Variants in MARK4 observed in about 807,000 individuals in gnomAD.
MARK4 encodes microtubule affinity regulating kinase 4, also known as MAP/microtubule affinity-regulating kinase 4.
Under a neutral mutation model 81.5 loss-of-function variants are expected in MARK4, and 19 were observed. The ratio of observed to expected loss-of-function variants is 0.23; its 90% confidence interval spans 0.16 to 0.34. The LOEUF (loss-of-function observed/expected upper bound fraction) is 0.34, where lower values mean the gene tolerates loss of function less well. Ranked by LOEUF, MARK4 falls within the 10% of genes least tolerant of loss-of-function variation. MARK4 has a pLI of 1.00. For missense variants in MARK4, 772 were observed against 1,058.8 expected, an observed-to-expected ratio of 0.73 and a Z score of 3.76; for synonymous variants, 436 against 439.0, an observed-to-expected ratio of 0.99 and a Z score of 0.08.
intron 8 of MARK4, among the ~76,000 whole-genome samples, chr19:45,275,177 C>T (rs561603800): frequency 6.6e-6 from 1 of 152,272 alleles, no homozygotes; most frequent in South Asian, 2.1e-4. Context: ...AGGAGAATCA[C>T]TTGAACCTGG....
intron 12 of MARK4, among the ~76,000 whole-genome samples, chr19:45,280,971 C>G (rs1970666616): frequency 6.6e-6 from 1 of 152,076 alleles, no homozygotes. Flanking sequence ...CAGACACTCT[C>G]TGTCTTGCTT....
At chr19:45,279,040 G>A (rs1029189368) in intron 10 of MARK4, among the ~76,000 whole-genome samples, 12 of 152,062 alleles carry the variant, frequency 7.9e-5, no homozygotes, top group South Asian at 2.1e-4. Flanking sequence ...CCAACATAGG[G>A]AGACCCTGTC....
chr19:45,271,600 G>A lies in MARK4; in HGVS notation c.678G>A (p.Leu226=), dbSNP rs34784381. 4,825 of 1,614,248 alleles carry A rather than the reference G, an allele frequency of 3.0e-3. 142 individuals carry two copies. The African/African-American group carries it at 0.058, about 19-fold the overall frequency. Reference sequence around the variant, plus strand: ...GCCCCCCATATGCCGCCCCGGAGCTGTTTCAGGGCAAGAAGTACGACGGGC... The same window carrying A: ...GCCCCCCATATGCCGCCCCGGAGCTATTTCAGGGCAAGAAGTACGACGGGC... ...CGSPPYAAPE[L]FQGKKYDGPE... is the part of the protein sequence containing the mutation. The change falls in exon 8 of 17, where the codon CTG becomes CTA. Residue 226 remains leucine, a synonymous_variant. Coordinates refer to ENST00000262891, the MANE Select transcript of MARK4 (RefSeq NM_001199867.2). This position sits in a 1 kb window ranked among gnomAD's most constrained non-coding sequence, Gnocchi z 4.1.
chr19:45,264,615 T>C, intron 4 of MARK4, 69 bp from the exon 5 acceptor site: 5 of 1,458,130 alleles, frequency 3.4e-6, no homozygotes, highest in Admixed American at 1.7e-5. Context: ...CACATTTGCA[T>C]AGTTACTGAG....
intron 8 of MARK4, among the ~76,000 whole-genome samples, chr19:45,275,885 A>G (rs1006284415): frequency 6.6e-6 from 1 of 152,230 alleles, no homozygotes; most frequent in Non-Finnish European, 1.5e-5. Flanking sequence ...ATAGCCCTTT[A>G]TGATCTGCAG....
chr19:45,266,484 G>A (rs541425779), intron 7 of MARK4, among the ~76,000 whole-genome samples: 1 of 152,162 alleles, frequency 6.6e-6, no homozygotes, highest in East Asian at 1.9e-4. Context: ...TGGGGGAGCG[G>A]ATGGGGGGGA....
At chr19:45,293,706 A>G (rs1970847934) in intron 13 of MARK4, among the ~76,000 whole-genome samples, 1 of 152,222 alleles carries the variant, frequency 6.6e-6, no homozygotes, top group Non-Finnish European at 1.5e-5. Flanking sequence ...GAGGCAGCAT[A>G]ATCCTGATAT....
intron 2 of MARK4, chr19:45,262,875 C>G: frequency 2.1e-6 from 1 of 482,628 alleles, no homozygotes; most frequent in South Asian, 2.1e-5. Context: ...AGCGATTCTT[C>G]CAACTCAGCC....
chr19:45,280,789 T>G, intron 12 of MARK4, 55 bp downstream of exon 12: 1 of 1,598,072 alleles, frequency 6.3e-7, no homozygotes, highest in Non-Finnish European at 8.5e-7. Context: ...GGCCCAGACT[T>G]ACAGTTACGT....
At chr19:45,289,765 G>A (rs950142270) in intron 13 of MARK4, among the ~76,000 whole-genome samples, 5 of 150,636 alleles carry the variant, frequency 3.3e-5, no homozygotes, top group African/African-American at 9.8e-5. Context: ...GCAAGACTCT[G>A]TCTCAAAACA....
intron 14 of MARK4, among the ~76,000 whole-genome samples, chr19:45,294,950 C>T (rs1970867525): frequency 1.3e-5 from 2 of 152,088 alleles, no homozygotes; most frequent in Non-Finnish European, 2.9e-5. Flanking sequence ...CCCACCAGGG[C>T]TGTAGGGCAG....
intron 7 of MARK4, among the ~76,000 whole-genome samples, chr19:45,269,107 C>T (rs1029514952): frequency 1.3e-5 from 2 of 152,092 alleles, no homozygotes; most frequent in African/African-American, 2.4e-5. Flanking sequence ...CCTGGCGTGA[C>T]GGCTCACACC....
chr19:45,277,792 G>C, intron 8 of MARK4, 131 bp from the exon 9 acceptor site: 1 of 1,106,060 alleles, frequency 9.0e-7, no homozygotes, highest in Non-Finnish European at 1.2e-6. Context: ...CAGAGCTTCT[G>C]TCACTTCTAT....
Position 45,287,436 on chromosome 19 carries a change from C to T in MARK4, c.1277-11C>T, listed in dbSNP as rs1338243269. 7.0e-7 allele frequency: 1 copy of T among 1,420,590 alleles called. No individual in the cohort carries two copies. Among genetic ancestry groups the T allele is most frequent in the Non-Finnish European group, 9.3e-7 (1 of 1,078,582 alleles). 88.0% of individuals were successfully genotyped at this position (1,420,590 alleles called of 1,614,324 possible). On this transcript the variant is annotated splice_polypyrimidine_tract_variant and intron_variant, in intron 12 of 16. Transcript: ENST00000262891. ...GGTGATGCCAGCTCTAAACGGTACC[C>T]CCTCCCCCAGGTGGCCCATCCCCTG... is the stretch of plus-strand genomic sequence containing the variant.
At chr19:45,265,506 C>G (rs970317316) in intron 6 of MARK4, among the ~76,000 whole-genome samples, 6 of 148,574 alleles carry the variant, frequency 4.0e-5, no homozygotes, top group African/African-American at 7.5e-5. Flanking sequence ...GTGGGGGGGG[C>G]CAGGTGTGGA....
chr19:45,274,032 G>A (rs1401732548), intron 8 of MARK4, among the ~76,000 whole-genome samples: 3 of 150,364 alleles, frequency 2.0e-5, no homozygotes, highest in East Asian at 2.0e-4. Flanking sequence ...GGCGGATCAC[G>A]AGGTCAGGAG....
intron 12 of MARK4, among the ~76,000 whole-genome samples, chr19:45,282,914 C>A (rs1970695084): frequency 6.6e-6 from 1 of 152,088 alleles, no homozygotes; most frequent in Non-Finnish European, 1.5e-5. Context: ...ACCACTTGAA[C>A]CCAGGAGATC....
In MARK4 at chr19:45,260,540, T is replaced by A. The variant is rs148403077; in HGVS notation, c.252+1351T>A. On this transcript the variant is annotated intron_variant, in intron 2 of 16. Coordinates refer to ENST00000262891, the MANE Select transcript of MARK4 (RefSeq NM_001199867.2). ...AACCCCATCTTTACTGAAAAAAAAATACAAAAATTAGCTGGGTGTGGTGGT... is the reference window on the plus strand; with the variant it reads ...AACCCCATCTTTACTGAAAAAAAAAAACAAAAATTAGCTGGGTGTGGTGGT... Among the ~76,000 whole-genome samples, 144 of 147,580 alleles carry A rather than the reference T, an allele frequency of 9.8e-4. 4 individuals are homozygous for A. In the East Asian group the frequency reaches 0.025, roughly 25 times the overall value.
In MARK4 at chr19:45,304,960, GCTTT is replaced by G; in HGVS notation, c.*2254_*2257del. ...TTGAAGGTTATGGACAGGGGCCTGG[GCTTT>G]CTTCCAAGGGCACTGGGGGAGCCAT... On this transcript the variant is annotated 3_prime_UTR_variant, in exon 17 of 17. Coordinates refer to ENST00000262891, the MANE Select transcript of MARK4 (RefSeq NM_001199867.2). 6.6e-6 allele frequency: 1 copy of G among 152,504 alleles called. No individual in the cohort carries two copies. The highest frequency in any genetic ancestry group is 2.4e-5 in the African/African-American group (1 of 41,440). The allele number at this position is 152,504 out of a possible 1,614,324, so 9.4% of individuals were successfully genotyped here. A position where few individuals can be genotyped will look rare whatever the true frequency, so the allele number is the denominator to read the frequency against.
Sources: allele counts gnomAD v4.1 joint callset (sites outside exome capture counted in the v4.1 genomes callset), GRCh38; gene constraint gnomAD v4.1.1; non-coding constraint Gnocchi (gnomAD v3.1); transcripts MANE v1.5; gene names NCBI Gene and HGNC (gene_info 2026-07-23, HGNC 2026-07-21).